TRMT2B: variants seen among roughly 807,000 people sequenced by gnomAD.
TRMT2B encodes tRNA (uracil-5-)-methyltransferase homolog B.
Under a neutral mutation model 39.7 loss-of-function variants are expected in TRMT2B, and 34 were observed. That is an observed-to-expected ratio of 0.86 (90% CI 0.65 to 1.14). TRMT2B has a LOEUF of 1.14. TRMT2B is among the 50% of genes most tolerant of loss of function. The pLI, the probability that TRMT2B is intolerant of heterozygous loss-of-function variation, is 0.00. For synonymous variants in TRMT2B, 132 were observed against 137.3 expected (o/e 0.96, Z 0.27); for missense variants, 318 against 377.2 (o/e 0.84, Z 1.30).
intron 2 of TRMT2B, among the ~76,000 whole-genome samples, chrX:101,048,239 A>G (rs1398171825): frequency 2.7e-5 from 3 of 110,853 alleles, no homozygotes; most frequent in Non-Finnish European, 5.7e-5. Context: ...TAGCCCATAC[A>G]CCATTTTGTA....
At chrX:101,034,661 C>T (rs909304907) in intron 7 of TRMT2B, among the ~76,000 whole-genome samples, 2 of 110,838 alleles carry the variant, frequency 1.8e-5, no homozygotes, top group Non-Finnish European at 1.9e-5. Context: ...AAAAAAAGAA[C>T]CTGTGTATCA....
At position 101,037,053 on chromosome X, in the gene TRMT2B, T is replaced by C; in HGVS notation, c.459A>G (p.Arg153=). 8.3e-7 allele frequency: 1 copy of C among 1,210,297 alleles called. No individual in the cohort carries two copies. The highest frequency in any genetic ancestry group is 1.1e-6 in the Non-Finnish European group (1 of 894,317). Residue 153 remains arginine (R), a synonymous_variant, in exon 6 of 14, where the codon CGA becomes CGG. Transcript: ENST00000372936. ...GGTTCACAGAGAAGGTGGACTTATT[T>C]CGGTAACCATTGATGACAGGCTGGA... ...IIPSPVINGY[R]NKSTFSVNRG... is the part of the protein sequence containing the mutation.
In TRMT2B at chrX:101,010,459, A is replaced by T. The variant is rs1481856708; in HGVS notation, c.*122T>A. ...GAGGCCTAATAGATTCTTCCTATTC[A>T]CAAACCAAAGATTGGTTTCCACTGT... On this transcript the variant is annotated 3_prime_UTR_variant, in exon 14 of 14. Transcript: ENST00000372936. The T allele has an allele frequency of 1.1e-6, 1 of 878,445 alleles. No individual in the cohort carries two copies. Among genetic ancestry groups the T allele is most frequent in the Non-Finnish European group, 1.6e-6 (1 of 623,319 alleles). 72.4% of individuals were successfully genotyped at this position (878,445 alleles called of 1,213,427 possible). A position where few individuals can be genotyped will look rare whatever the true frequency, so the allele number is the denominator to read the frequency against.
chrX:101,007,623 T>C (rs1004501439), downstream of TRMT2B, among the ~76,000 whole-genome samples: 12 of 111,540 alleles, frequency 1.1e-4, no homozygotes, highest in African/African-American at 3.9e-4. Flanking sequence ...ACCACTGCAC[T>C]CCAGCCTGGG....
chrX:101,014,065 C>A (rs1264919943), intron 13 of TRMT2B, among the ~76,000 whole-genome samples: 1 of 111,120 alleles, frequency 9.0e-6, no homozygotes, highest in African/African-American at 3.3e-5. Flanking sequence ...CCAGCCTGGG[C>A]AACAGAGCAA....
chrX:101,040,518 T>C (rs1406962276), intron 4 of TRMT2B, among the ~76,000 whole-genome samples: 4 of 111,403 alleles, frequency 3.6e-5, no homozygotes, highest in Non-Finnish European at 7.5e-5. Context: ...TCCTTTCATC[T>C]AGCGTTTCTT....
Position 101,047,554 on chromosome X carries a change from G to A in TRMT2B, c.-24+3697C>T, listed in dbSNP as rs768895509. ...TTTTAAAAATGAGATGGGGTTGGCC[G>A]GGCATGGTGGCTCACACCTGTAATC... On this transcript the variant is annotated intron_variant, in intron 2 of 13. Coordinates refer to ENST00000372936, the MANE Select transcript of TRMT2B (RefSeq NM_024917.6). 1.3e-4 allele frequency among the ~76,000 whole-genome samples: 14 copies of A among 111,150 alleles called. No individual in the cohort carries two copies. The East Asian group carries it at 3.7e-3, about 29-fold the overall frequency.
the TRMT2B span, among the ~76,000 whole-genome samples, chrX:100,996,798 G>A: frequency 9.0e-6 from 1 of 110,610 alleles, no homozygotes; most frequent in African/African-American, 3.3e-5. Flanking sequence ...TGTAGTCCCA[G>A]CTACTCAGGA....
chrX:100,992,225 G>A, the TRMT2B span, among the ~76,000 whole-genome samples: 1 of 110,891 alleles, frequency 9.0e-6, no homozygotes, highest in Non-Finnish European at 1.9e-5. Context: ...AAGCAGAGCA[G>A]GGAATTCAAT....
intron 2 of TRMT2B, among the ~76,000 whole-genome samples, chrX:101,046,958 A>T (rs1400192838): frequency 9.0e-6 from 1 of 111,280 alleles, no homozygotes; most frequent in East Asian, 2.8e-4. Context: ...GGCCAGGTAC[A>T]GTGTGGCTCA....
chrX:100,997,122 A>C, the TRMT2B span, among the ~76,000 whole-genome samples: 1 of 111,493 alleles, frequency 9.0e-6, no homozygotes, highest in South Asian at 3.8e-4. Context: ...CATCTAGCAC[A>C]TATCTGGGTA....
chrX:101,023,881 T>C (rs1432966758), intron 7 of TRMT2B, among the ~76,000 whole-genome samples: 3 of 111,176 alleles, frequency 2.7e-5, no homozygotes, highest in African/African-American at 9.8e-5. Flanking sequence ...GGAGTCTCAC[T>C]CTGTCACCTA....
At chrX:101,025,802 T>C (rs2087037508) in intron 7 of TRMT2B, among the ~76,000 whole-genome samples, 1 of 110,210 alleles carries the variant, frequency 9.1e-6, no homozygotes, top group South Asian at 3.9e-4. Context: ...CTACTAAAAA[T>C]ACAAAATTTT....
At chrX:100,973,493 G>A in the TRMT2B span, among the ~76,000 whole-genome samples, 8 of 110,469 alleles carry the variant, frequency 7.2e-5, no homozygotes, top group East Asian at 2.9e-4. Flanking sequence ...TCCTCCCGGC[G>A]GTCGGGCGGC....
Position 101,010,563 on chromosome X carries a change from T to C in TRMT2B, c.*18A>G, listed in dbSNP as rs5921705. 8.3e-7 allele frequency: 1 copy of C among 1,208,889 alleles called. No individual in the cohort carries two copies. ...ACTTCAGCCTTAACAAATAGCCTGC[T>C]GTCTTCTAGGAGGCTGCTTATCGAG... is the stretch of plus-strand genomic sequence containing the variant. On this transcript the variant is annotated 3_prime_UTR_variant, in exon 14 of 14. Transcript: ENST00000372936.
rs1199838065 is a variant in TRMT2B, at chrX:101,041,354, G to A, written c.266C>T (p.Thr89Ile). ...TTCATAGCTCAACCTCCAGAGTGGT[G>A]TCACAACATCAGCCAGCCTTGAATA... ...SWQERLADVV[T>I]PLWRLSYEEQ... Residue 89 changes from threonine (T) to isoleucine (I), a missense_variant, in exon 4 of 14, where the codon ACA becomes ATA. Thr to Ile is a moderately conservative substitution (Grantham distance 89). Coordinates refer to ENST00000372936, the MANE Select transcript of TRMT2B (RefSeq NM_024917.6). The A allele has an allele frequency of 2.5e-6, 3 of 1,209,539 alleles. No homozygotes were observed. The South Asian group carries it at 5.3e-5, about 21-fold the overall frequency.
intron 4 of TRMT2B, 145 bp downstream of exon 4, chrX:101,041,172 G>A (rs1160745707): frequency 8.7e-6 from 4 of 461,002 alleles, no homozygotes; most frequent in Non-Finnish European, 1.4e-5. Flanking sequence ...CCACTGAACT[G>A]CAGCCTGGGC....
At chrX:101,000,203 C>G in the TRMT2B span, among the ~76,000 whole-genome samples, 29 of 107,799 alleles carry the variant, frequency 2.7e-4, no homozygotes, top group Admixed American at 1.3e-3. Flanking sequence ...TCACTGCAAC[C>G]TCCACCTCCT....
the TRMT2B span, chrX:100,990,514 T>C: frequency 1.0e-5 from 11 of 1,093,723 alleles, no homozygotes; most frequent in Non-Finnish European, 1.3e-5. Flanking sequence ...CCTACTCTAA[T>C]ATCACATCCC....
Sources: allele counts gnomAD v4.1 joint callset (sites outside exome capture counted in the v4.1 genomes callset), GRCh38; gene constraint gnomAD v4.1.1; transcripts MANE v1.5; gene names NCBI Gene and HGNC (gene_info 2026-07-23, HGNC 2026-07-21).